The following CABLES1 variants were observed in gnomAD, a reference collection of about 807,000 sequenced individuals.
CABLES1 encodes the protein CDK5 and ABL1 enzyme substrate 1.
Under a neutral mutation model 57.8 loss-of-function variants are expected in CABLES1, and 36 were observed. The ratio of observed to expected loss-of-function variants is 0.62; its 90% CI spans 0.48 to 0.82. The LOEUF is 0.82. CABLES1 is among the 40% of genes least tolerant of loss of function. The probability of loss-of-function intolerance (pLI) is 0.00; values close to 1 mark genes in which losing one functional copy is unlikely to be tolerated. For missense variants in CABLES1, 767 were observed against 836.6 expected (o/e 0.92, Z 1.03); for synonymous variants, 374 against 363.0 (o/e 1.03, Z -0.35).
intron 7 of CABLES1, among the ~76,000 whole-genome samples, chr18:23,246,765 C>T (rs1463674270): frequency 6.6e-6 from 1 of 151,876 alleles, no homozygotes; most frequent in Non-Finnish European, 1.5e-5. Context: ...CATCTTGGCT[C>T]ACTTCAATCT....
intron 4 of CABLES1, among the ~76,000 whole-genome samples, chr18:23,218,773 C>T (rs77355871): frequency 3.9e-5 from 6 of 152,212 alleles, no homozygotes; most frequent in Admixed American, 6.5e-5. Flanking sequence ...GCAGACAGAC[C>T]AACCTTAGGA....
intron 7 of CABLES1, among the ~76,000 whole-genome samples, chr18:23,246,772 A>G (rs1396305929): frequency 2.0e-5 from 3 of 151,648 alleles, no homozygotes; most frequent in African/African-American, 7.3e-5. Context: ...GCTCACTTCA[A>G]TCTTCATCTC....
chr18:23,162,090 G>A (rs917016413), intron 1 of CABLES1, among the ~76,000 whole-genome samples: 4 of 152,064 alleles, frequency 2.6e-5, no homozygotes, highest in Admixed American at 2.0e-4. Flanking sequence ...GCTTGAACTC[G>A]GGAGGCAGAT....
At chr18:23,203,437 G>T (rs1023522715) in intron 3 of CABLES1, among the ~76,000 whole-genome samples, 1 of 149,884 alleles carries the variant, frequency 6.7e-6, no homozygotes, top group Non-Finnish European at 1.5e-5. Context: ...TCTCTTTAAA[G>T]TATGAACCAA....
chr18:23,258,072 A>AT lies in CABLES1; in HGVS notation c.*707dup, dbSNP rs2048209128. The AT allele has an allele frequency of 6.6e-6, 1 of 152,176 alleles. No homozygotes were observed. Among genetic ancestry groups the AT allele is most frequent in the African/African-American group, 2.4e-5 (1 of 41,414 alleles). 9.4% of individuals were successfully genotyped at this position (152,176 alleles called of 1,614,324 possible). ...CCTCCACCCTTAGAAAATGACTGACATTGTTTTGTTACTGCTCCTACCCAC... is the reference window on the plus strand; with the variant it reads ...CCTCCACCCTTAGAAAATGACTGACATTTGTTTTGTTACTGCTCCTACCCAC... On this transcript the variant is annotated 3_prime_UTR_variant, in exon 10 of 10. Coordinates refer to ENST00000256925, the MANE Select transcript of CABLES1 (RefSeq NM_001100619.3).
At chr18:23,138,168 A>G (rs2046835196) in intron 1 of CABLES1, among the ~76,000 whole-genome samples, 1 of 152,152 alleles carries the variant, frequency 6.6e-6, no homozygotes, top group South Asian at 2.1e-4. Context: ...GTGTCTCCTG[A>G]TGGACAGATG....
intron 7 of CABLES1, among the ~76,000 whole-genome samples, chr18:23,248,537 TTA>T (rs1491173324): frequency 7.2e-5 from 7 of 96,622 alleles, no homozygotes; most frequent in Admixed American, 6.4e-4. Context: ...TTTTTTTTTT[TTA>T]AAAAAAGGCT....
chr18:23,138,130 A>T (rs1308519630), intron 1 of CABLES1, among the ~76,000 whole-genome samples: 1 of 152,182 alleles, frequency 6.6e-6, no homozygotes, highest in Non-Finnish European at 1.5e-5. Context: ...CATACGTGTT[A>T]TTCTAAGCCA....
chr18:23,160,063 A>T (rs939778381), intron 1 of CABLES1, among the ~76,000 whole-genome samples: 1 of 146,754 alleles, frequency 6.8e-6, no homozygotes, highest in South Asian at 2.2e-4. Flanking sequence ...TTTGAGATGG[A>T]GTTTCACTCT....
At chr18:23,236,732 C>T (rs1237126509) in intron 6 of CABLES1, among the ~76,000 whole-genome samples, 3 of 152,190 alleles carry the variant, frequency 2.0e-5, no homozygotes, top group Non-Finnish European at 4.4e-5. Flanking sequence ...GACACAATAG[C>T]ATGCCTGGAA....
At chr18:23,238,188 G>A (rs1429765105) in intron 7 of CABLES1, among the ~76,000 whole-genome samples, 1 of 152,208 alleles carries the variant, frequency 6.6e-6, no homozygotes, top group African/African-American at 2.4e-5. Context: ...TCTCCCCTCG[G>A]CTTTTGTGTC....
At chr18:23,149,058 T>A (rs2144958445) in intron 1 of CABLES1, among the ~76,000 whole-genome samples, 1 of 151,976 alleles carries the variant, frequency 6.6e-6, no homozygotes, top group East Asian at 1.9e-4. Flanking sequence ...CCCAGATAAA[T>A]TTTTTTTGTA....
At chr18:23,191,157 G>A (rs1046251973) in intron 2 of CABLES1, among the ~76,000 whole-genome samples, 4 of 151,660 alleles carry the variant, frequency 2.6e-5, no homozygotes, top group Admixed American at 6.6e-5. Flanking sequence ...AGGCTGAGGC[G>A]ACAGGATCGC....
At position 23,258,278 on chromosome 18, in the gene CABLES1, A is replaced by G. The variant is rs1441101874; in HGVS notation, c.*911A>G. On this transcript the variant is annotated 3_prime_UTR_variant, in exon 10 of 10. Transcript: ENST00000256925. ...CCCACAGTGTGTATTCCTGTCCTCTATGTTAGAGTGCATCAGAAGCACATT... is the reference window on the plus strand; with the variant it reads ...CCCACAGTGTGTATTCCTGTCCTCTGTGTTAGAGTGCATCAGAAGCACATT... 3.3e-5 allele frequency: 5 copies of G among 152,636 alleles called. No homozygotes were observed. The East Asian group carries it at 9.6e-4, about 29-fold the overall frequency. 9.5% of individuals were successfully genotyped at this position (152,636 alleles called of 1,614,324 possible).
intron 3 of CABLES1, among the ~76,000 whole-genome samples, chr18:23,207,325 G>T (rs766281738): frequency 3.3e-5 from 5 of 152,202 alleles, no homozygotes; most frequent in Non-Finnish European, 5.9e-5. Context: ...GCACGTGGAG[G>T]TCCGTGAACA....
intron 1 of CABLES1, among the ~76,000 whole-genome samples, chr18:23,154,027 C>CA (rs894649365): frequency 4.0e-5 from 6 of 150,498 alleles, no homozygotes; most frequent in East Asian, 1.9e-4. Context: ...AAGACTGTCT[C>CA]AAAAAAAAAT....
chr18:23,153,533 A>G (rs549744463), intron 1 of CABLES1, among the ~76,000 whole-genome samples: 1 of 152,258 alleles, frequency 6.6e-6, no homozygotes, highest in South Asian at 2.1e-4. Flanking sequence ...CAGAAGTGCT[A>G]GACCAGGCTG....
chr18:23,188,713 CT>C, intron 1 of CABLES1, 124 bp from the exon 2 acceptor site: 1 of 738,104 alleles, frequency 1.4e-6, no homozygotes, highest in South Asian at 1.5e-5. Context: ...TTAGAGACAG[CT>C]TTTGTCTGAT....
chr18:23,257,083 C>T, intron 9 of CABLES1, 144 bp from the exon 10 acceptor site: 2 of 869,772 alleles, frequency 2.3e-6, no homozygotes, highest in Non-Finnish European at 3.5e-6. Context: ...CAGCCTGTGC[C>T]TCCCTTTCTT....
Sources: gnomAD v4.1 joint callset for allele counts (sites outside exome capture counted in the v4.1 genomes callset) on GRCh38, gnomAD v4.1.1 for gene constraint, MANE v1.5 for transcripts, NCBI Gene and HGNC (gene_info 2026-07-23, HGNC 2026-07-21) for gene names.